Variants in EFL1 observed in about 807,000 individuals in gnomAD.
EFL1 encodes elongation factor like GTPase 1.
Under a neutral mutation model 126.7 loss-of-function variants are expected in EFL1, and 76 were observed. That is an observed-to-expected ratio of 0.60 (90% CI 0.50 to 0.73). EFL1 has a LOEUF of 0.73. Among genes scored for constraint, EFL1 ranks in the 30% least tolerant of loss-of-function variants. The pLI is 0.00. For missense variants in EFL1, 1,128 were observed against 1,343.2 expected, an observed-to-expected ratio of 0.84 and a Z score of 2.50; for synonymous variants, 410 against 448.4, an observed-to-expected ratio of 0.91 and a Z score of 1.08.
chr15:82,157,342 T>G, intron 17 of EFL1: 1 of 156,612 alleles, frequency 6.4e-6, no homozygotes, highest in East Asian at 1.9e-4. Flanking sequence ...AGGTTTACAT[T>G]GTAAAGACCA....
At chr15:82,222,064 G>A (rs952233371) in intron 12 of EFL1, among the ~76,000 whole-genome samples, 2 of 152,042 alleles carry the variant, frequency 1.3e-5, no homozygotes, top group African/African-American at 4.8e-5. Context: ...TATAAATGCA[G>A]AACACATTTT....
chr15:82,196,084 T>A (rs537930531), intron 15 of EFL1, among the ~76,000 whole-genome samples: 4 of 151,096 alleles, frequency 2.6e-5, no homozygotes, highest in South Asian at 2.1e-4. Context: ...GGCATGAAAA[T>A]CGTGGTATAT....
intron 15 of EFL1, among the ~76,000 whole-genome samples, chr15:82,193,925 C>T (rs1333360950): frequency 9.2e-5 from 14 of 152,230 alleles, no homozygotes; most frequent in Non-Finnish European, 1.3e-4. Flanking sequence ...TTCTGGAAAA[C>T]AGTGCTGTCG....
chr15:82,152,401 C>G lies in EFL1; in HGVS notation c.2053G>C (p.Val685Leu), dbSNP rs568840186. The G allele has an allele frequency of 6.2e-6, 10 of 1,609,772 alleles. 1 individual carries two copies. In the South Asian group the frequency reaches 1.1e-4, roughly 18 times the overall value. Residue 685 changes from valine (V) to leucine (L), a missense_variant, in exon 18 of 20, where the codon GTA (valine) becomes CTA (leucine). Transcript: ENST00000268206. ...CTGAATGGAATAATAGGTTCAGATA[C>G]ACTGATATGAATCTTTGCAAACCTA... ...KERFAKIHISVSEPIIPFRET... is the reference protein window; with the variant it reads ...KERFAKIHISLSEPIIPFRET...
At chr15:82,183,200 G>A (rs1595966895) in intron 15 of EFL1, among the ~76,000 whole-genome samples, 2 of 152,170 alleles carry the variant, frequency 1.3e-5, no homozygotes, top group African/African-American at 4.8e-5. Flanking sequence ...TCAAATGTAG[G>A]GAGAAAGAAA....
chr15:82,179,571 T>A (rs1366967900), intron 15 of EFL1, among the ~76,000 whole-genome samples: 2 of 152,128 alleles, frequency 1.3e-5, no homozygotes, highest in East Asian at 1.9e-4. Flanking sequence ...CTTTTTTTCC[T>A]CTGTACCATG....
intron 14 of EFL1, among the ~76,000 whole-genome samples, chr15:82,217,275 C>CCAAGGCAA (rs1318484402): frequency 6.9e-6 from 1 of 144,670 alleles, no homozygotes; most frequent in Non-Finnish European, 1.5e-5. Flanking sequence ...CAAGAGATTA[C>CCAAGGCAA]CAAGGCAACT....
intron 15 of EFL1, among the ~76,000 whole-genome samples, chr15:82,199,226 T>G (rs2074441330): frequency 6.6e-6 from 1 of 151,900 alleles, no homozygotes; most frequent in Non-Finnish European, 1.5e-5. Context: ...GCCAAAAACT[T>G]TGAAAAATGG....
At chr15:82,238,601 G>C (rs1596002882) in intron 6 of EFL1, 80 bp from the exon 7 acceptor site, 4 of 1,223,346 alleles carry the variant, frequency 3.3e-6, no homozygotes, top group African/African-American at 1.5e-5. Context: ...TTTAACCTGT[G>C]TTAGGGCTAG....
chr15:82,251,902 G>C (rs150997068), intron 4 of EFL1, among the ~76,000 whole-genome samples: 480 of 152,272 alleles, frequency 3.2e-3, no homozygotes, highest in African/African-American at 0.011. Context: ...TTTGAAAAGT[G>C]CAAGTTTCTC....
intron 15 of EFL1, among the ~76,000 whole-genome samples, chr15:82,212,130 C>A (rs1433395566): frequency 6.6e-6 from 1 of 152,084 alleles, no homozygotes; most frequent in East Asian, 1.9e-4. Context: ...AACTTCAATT[C>A]TGTTTGTATT....
chr15:82,211,549 T>TATACACAC (rs550359757), intron 15 of EFL1, among the ~76,000 whole-genome samples: 2 of 94,364 alleles, frequency 2.1e-5, no homozygotes, highest in South Asian at 3.2e-4. Context: ...AAAATCTATA[T>TATACACAC]ACACACACAC....
chr15:82,209,062 T>G (rs779357089), intron 15 of EFL1, among the ~76,000 whole-genome samples: 2 of 152,250 alleles, frequency 1.3e-5, no homozygotes, highest in East Asian at 3.9e-4. Context: ...CTCTTAAAAC[T>G]AAGAAATGAC....
At chr15:82,145,823 C>T (rs1056521070) in intron 18 of EFL1, among the ~76,000 whole-genome samples, 10 of 138,012 alleles carry the variant, frequency 7.2e-5, no homozygotes, top group African/African-American at 1.9e-4. Flanking sequence ...GCAACGAGAG[C>T]GAAACTCCAT....
intron 8 of EFL1, among the ~76,000 whole-genome samples, chr15:82,229,342 C>T (rs2074797281): frequency 6.6e-6 from 1 of 152,138 alleles, no homozygotes; most frequent in Non-Finnish European, 1.5e-5. Context: ...AGTGATATGA[C>T]CATTTGTGGG....
intron 11 of EFL1, among the ~76,000 whole-genome samples, chr15:82,226,006 T>C (rs2074759824): frequency 6.6e-6 from 1 of 152,128 alleles, no homozygotes. Flanking sequence ...CAAACATGTA[T>C]CAGAAGTCTT....
Position 82,240,458 on chromosome 15 carries a change from G to A in EFL1, c.476C>T (p.Pro159Leu), listed in dbSNP as rs774611004. ...DRLIVELKFT[P>L]QEAYSHLKNI... ...CTTGAGGTGAGAATAGGCCTCTTGT[G>A]GGGTGAATTTCAGTTCCACTATCAA... Residue 159 changes from proline (P) to leucine (L), a missense_variant, in exon 6 of 20, where the codon CCA becomes CTA. Physicochemically the swap from Pro to Leu is moderately conservative, Grantham distance 98 (BLOSUM62 -3). Coordinates refer to ENST00000268206, the MANE Select transcript of EFL1 (RefSeq NM_024580.6). 4.3e-6 allele frequency: 7 copies of A among 1,612,832 alleles called. No individual in the cohort carries two copies. In the Admixed American group the frequency reaches 8.3e-5, roughly 19 times the overall value.
At chr15:82,239,282 G>A (rs1292616802) in intron 6 of EFL1, among the ~76,000 whole-genome samples, 1 of 152,000 alleles carries the variant, frequency 6.6e-6, no homozygotes, top group Admixed American at 6.6e-5. Flanking sequence ...GACTACAGGG[G>A]CCTGCTACCA....
chr15:82,155,332 T>C (rs1328311363), intron 17 of EFL1, among the ~76,000 whole-genome samples: 2 of 151,784 alleles, frequency 1.3e-5, no homozygotes, highest in South Asian at 2.1e-4. Flanking sequence ...TGAAACACCA[T>C]CTCTACTAAA....
Sources: gnomAD v4.1 joint callset for allele counts (sites outside exome capture counted in the v4.1 genomes callset) on GRCh38, gnomAD v4.1.1 for gene constraint, MANE v1.5 for transcripts, NCBI Gene and HGNC (gene_info 2026-07-23, HGNC 2026-07-21) for gene names.